Variants in AHI1 observed in about 807,000 individuals in gnomAD.
AHI1 encodes the protein Abelson helper integration site 1.
Under a neutral mutation model 149.3 loss-of-function variants are expected in AHI1, and 123 were observed. That is an observed-to-expected ratio of 0.82 (90% CI 0.71 to 0.96). The LOEUF (loss-of-function observed/expected upper bound fraction) is 0.96. AHI1 is among the 40% of genes least tolerant of loss of function. AHI1 has a pLI of 0.00. For missense variants in AHI1, 1,439 were observed against 1,422.7 expected (o/e 1.01, Z -0.18); for synonymous variants, 475 against 459.8 (o/e 1.03, Z -0.42).
intron 23 of AHI1, among the ~76,000 whole-genome samples, chr6:135,382,455 A>G (rs886886341): frequency 1.3e-5 from 2 of 152,358 alleles, no homozygotes; most frequent in African/African-American, 2.4e-5. Flanking sequence ...AACATCTTCA[A>G]TAAGTGATGG....
At chr6:135,452,163 A>C (rs895578879) in intron 11 of AHI1, among the ~76,000 whole-genome samples, 8 of 152,338 alleles carry the variant, frequency 5.3e-5, no homozygotes, top group Middle Eastern at 3.4e-3. Flanking sequence ...GCAGCTATAT[A>C]CAATGTCTAA....
At position 135,308,334 on chromosome 6, in the gene AHI1, G is replaced by C. The variant is rs145690716; in HGVS notation, c.3427-7776C>G. 4.7e-3 allele frequency among the ~76,000 whole-genome samples: 710 copies of C among 152,186 alleles called. 8 individuals carry two copies. The highest frequency in any genetic ancestry group is 0.016 in the African/African-American group (679 of 41,520). On this transcript the variant is annotated intron_variant, in intron 26 of 28. Transcript: ENST00000265602. ...CACTGCAGCCTCATCCTCTCAGGCT[G>C]AAGCGATCCTCCCACCTCAGCCTCC...
chr6:135,479,969 T>G (rs1390200862), intron 5 of AHI1, among the ~76,000 whole-genome samples: 1 of 152,196 alleles, frequency 6.6e-6, no homozygotes, highest in Admixed American at 6.5e-5. Context: ...ATGTGAAGAC[T>G]GTGCCTGCTT....
At chr6:135,323,523 G>C in intron 24 of AHI1, 199 bp from the exon 25 acceptor site, 3 of 439,712 alleles carry the variant, frequency 6.8e-6, no homozygotes, top group South Asian at 8.5e-5. Flanking sequence ...CTGTGGGATT[G>C]AGAAATGGTT....
At chr6:135,299,587 C>T (rs1296631825) in intron 27 of AHI1, among the ~76,000 whole-genome samples, 1 of 151,740 alleles carries the variant, frequency 6.6e-6, no homozygotes, top group Non-Finnish European at 1.5e-5. Context: ...AATGTTAGGT[C>T]CAAAAGATAA....
chr6:135,335,322 CA>C (rs1789214689), intron 24 of AHI1, among the ~76,000 whole-genome samples: 2 of 151,486 alleles, frequency 1.3e-5, no homozygotes, highest in Non-Finnish European at 2.9e-5. Flanking sequence ...AAAGATTAGC[CA>C]AATTTTAAAA....
intron 11 of AHI1, 23 bp downstream of exon 11, chr6:135,453,318 T>A: frequency 6.5e-7 from 1 of 1,538,556 alleles, no homozygotes; most frequent in Non-Finnish European, 8.8e-7. Flanking sequence ...TTTTAAAGTG[T>A]TTAAAATGGA....
chr6:135,465,340 T>C (rs1378772717), intron 7 of AHI1, among the ~76,000 whole-genome samples: 1 of 152,214 alleles, frequency 6.6e-6, no homozygotes, highest in Non-Finnish European at 1.5e-5. Context: ...AAGATTAGAA[T>C]ACCAAATTGC....
chr6:135,348,086 T>A (rs539150290), intron 24 of AHI1, among the ~76,000 whole-genome samples: 1 of 152,332 alleles, frequency 6.6e-6, no homozygotes, highest in East Asian at 1.9e-4. Context: ...TGTCAAAGAC[T>A]AATCTCACTG....
At chr6:135,375,398 C>T (rs924626018) in intron 23 of AHI1, among the ~76,000 whole-genome samples, 5 of 151,950 alleles carry the variant, frequency 3.3e-5, no homozygotes, top group South Asian at 2.1e-4. Context: ...AATATTAACA[C>T]GAGTAGCCAT....
intron 23 of AHI1, among the ~76,000 whole-genome samples, chr6:135,389,120 C>A (rs2128477405): frequency 6.6e-6 from 1 of 151,884 alleles, no homozygotes; most frequent in South Asian, 2.1e-4. Flanking sequence ...ACCATCCTGG[C>A]TAACATGGTG....
chr6:135,359,919 T>C (rs1793591999), intron 23 of AHI1, among the ~76,000 whole-genome samples: 2 of 152,100 alleles, frequency 1.3e-5, no homozygotes, highest in South Asian at 4.1e-4. Flanking sequence ...ACTCTACAGA[T>C]TTTAGTGTTT....
At chr6:135,395,704 C>A (rs1347362277) in intron 22 of AHI1, among the ~76,000 whole-genome samples, 1 of 151,740 alleles carries the variant, frequency 6.6e-6, no homozygotes, top group Non-Finnish European at 1.5e-5. Context: ...ATCATTTAAT[C>A]TTTTTCATTA....
At chr6:135,406,979 C>A (rs909128441) in intron 21 of AHI1, among the ~76,000 whole-genome samples, 1 of 152,150 alleles carries the variant, frequency 6.6e-6, no homozygotes, top group Non-Finnish European at 1.5e-5. Flanking sequence ...TCTCAAGATA[C>A]CCGTGAAGTC....
intron 24 of AHI1, among the ~76,000 whole-genome samples, chr6:135,357,097 C>A (rs528136174): frequency 6.6e-6 from 1 of 152,232 alleles, no homozygotes; most frequent in South Asian, 2.1e-4. Context: ...CACCACCATG[C>A]CCAGATAACT....
intron 24 of AHI1, among the ~76,000 whole-genome samples, chr6:135,325,447 A>G (rs1787520180): frequency 6.6e-6 from 1 of 152,218 alleles, no homozygotes; most frequent in Admixed American, 6.5e-5. Flanking sequence ...ATAGGAGAGG[A>G]AAGCTAATTA....
At chr6:135,285,744 T>A in intron 28 of AHI1, 97 bp from the exon 29 acceptor site, 1 of 997,764 alleles carries the variant, frequency 1.0e-6, no homozygotes, top group Non-Finnish European at 1.5e-6. Flanking sequence ...GCACAGGTAA[T>A]AAAGGACATT....
chr6:135,456,270 G>C (rs967173901), intron 9 of AHI1, among the ~76,000 whole-genome samples: 1 of 152,188 alleles, frequency 6.6e-6, no homozygotes, highest in African/African-American at 2.4e-5. Context: ...GCCAGGCACA[G>C]CGGCTCAAGC....
chr6:135,310,579 C>T (rs1785057872), intron 26 of AHI1, among the ~76,000 whole-genome samples: 1 of 152,178 alleles, frequency 6.6e-6, no homozygotes, highest in Non-Finnish European at 1.5e-5. Context: ...ATTGACTCTA[C>T]ATGCTTAATA....
Sources: gnomAD v4.1 joint callset for allele counts (sites outside exome capture counted in the v4.1 genomes callset) on GRCh38, gnomAD v4.1.1 for gene constraint, MANE v1.5 for transcripts, NCBI Gene and HGNC (gene_info 2026-07-23, HGNC 2026-07-21) for gene names.